Variants in SKOR2 observed in about 807,000 individuals in gnomAD.
SKOR2 encodes SKI family transcriptional corepressor 2, also known as LBX1 corepressor 1-like protein.
SKOR2 carries 47 observed loss-of-function variants against 69.1 expected under a neutral mutation model. The ratio of observed to expected loss-of-function variants is 0.68; its 90% CI spans 0.54 to 0.87. The LOEUF is 0.87. SKOR2 is among the 40% of genes least tolerant of loss of function. The probability of loss-of-function intolerance (pLI) is 0.00; values close to 1 mark genes in which losing one functional copy is unlikely to be tolerated. For synonymous variants in SKOR2, 717 were observed against 672.6 expected (o/e 1.07, Z -1.02); for missense variants, 1,404 against 1,472.2 (o/e 0.95, Z 0.76).
intron 8 of SKOR2, among the ~76,000 whole-genome samples, chr18:47,209,192 G>A (rs1294928270): frequency 3.3e-5 from 5 of 152,030 alleles, no homozygotes; most frequent in African/African-American, 7.2e-5. Flanking sequence ...GGCAGTACTC[G>A]CTCAGCTTAT....
chr18:47,229,419 C>T (rs1230057648), intron 6 of SKOR2, among the ~76,000 whole-genome samples: 8 of 152,052 alleles, frequency 5.3e-5, no homozygotes, highest in African/African-American at 1.9e-4. Context: ...TTTGGGAGGC[C>T]GAGGTGGGCG....
Position 47,247,503 on chromosome 18 carries a change from G to A in SKOR2, c.1681C>T (p.Pro561Ser). The change falls in exon 2 of 9, where the codon CCC (proline) becomes TCC (serine). Residue 561 changes from proline (P) to serine (S), a missense_variant. Pro to Ser is a moderately conservative substitution (Grantham distance 74, BLOSUM62 -1). This residue lies in a region of SKOR2 where 1,266 missense variants were observed against 1,309.9 expected (regional missense o/e 0.97). Coordinates refer to ENST00000425639, the MANE Select transcript of SKOR2 (RefSeq NM_001278063.4). The surrounding 1 kb of genome is among the most constrained non-coding windows in gnomAD (Gnocchi z 6.6). ...AGSRDALFES[P>S]PGGSGGDCSA... ...CAGTCCCCGCCGCTGCCGCCCGGGG[G>A]CGACTCGAAGAGCGCGTCGCGAGAG... is the stretch of plus-strand genomic sequence containing the variant. The A allele has an allele frequency of 1.7e-6, 2 of 1,209,282 alleles. No individual in the cohort carries two copies. Among genetic ancestry groups the A allele is most frequent in the Non-Finnish European group, 2.1e-6 (2 of 974,556 alleles). 74.9% of individuals were successfully genotyped at this position (1,209,282 alleles called of 1,614,324 possible). A position where few individuals can be genotyped will look rare whatever the true frequency, so the allele number is the denominator to read the frequency against.
At chr18:47,214,342 GACATTTCCAAAT>G (rs1390624950) in intron 7 of SKOR2, among the ~76,000 whole-genome samples, 2 of 152,118 alleles carry the variant, frequency 1.3e-5, no homozygotes, top group Non-Finnish European at 2.9e-5. Flanking sequence ...AGAAAAAAAG[GACATTTCCAAAT>G]AAGCATATTT....
intron 7 of SKOR2, among the ~76,000 whole-genome samples, chr18:47,218,011 G>A (rs1483449733): frequency 6.6e-6 from 1 of 152,068 alleles, no homozygotes; most frequent in Non-Finnish European, 1.5e-5. Context: ...GGTAATACCA[G>A]TTTTAATCTT....
Position 47,246,715 on chromosome 18 carries a change from G to T in SKOR2, c.2469C>A (p.Asp823Glu), listed in dbSNP as rs2064275930. The change falls in exon 2 of 9, where the codon GAC becomes GAA. Residue 823 changes from aspartate (D) to glutamate (E), a missense_variant. Asp to Glu is a conservative substitution (Grantham distance 45, BLOSUM62 2). Transcript: ENST00000425639. Reference sequence around the variant, plus strand: ...CCGAGCCGGGGTCCCCGAGTTTCCCGTCTTCCTGCAGCAGCCTGGAGGAGT... The same window carrying T: ...CCGAGCCGGGGTCCCCGAGTTTCCCTTCTTCCTGCAGCAGCCTGGAGGAGT... ...GLNSSRLLQE[D>E]GKLGDPGSDL... 6.9e-7 allele frequency: 1 copy of T among 1,449,696 alleles called. No homozygotes were observed. Among genetic ancestry groups the T allele is most frequent in the East Asian group, 2.8e-5 (1 of 35,962 alleles). The allele number at this position is 1,449,696 out of a possible 1,614,324, so 89.8% of individuals were successfully genotyped here.
chr18:47,236,520 T>TG (rs776554149), intron 4 of SKOR2, among the ~76,000 whole-genome samples: 118 of 152,098 alleles, frequency 7.8e-4, no homozygotes, highest in South Asian at 4.6e-3. Flanking sequence ...GAGAAGGGGG[T>TG]GGGGGGCTTT....
At chr18:47,210,127 T>C (rs2144472639) in intron 8 of SKOR2, among the ~76,000 whole-genome samples, 1 of 152,220 alleles carries the variant, frequency 6.6e-6, no homozygotes, top group East Asian at 1.9e-4. Context: ...TCACAAGTGC[T>C]GAGTAAAACA....
chr18:47,211,916 T>A (rs953559826), intron 8 of SKOR2, among the ~76,000 whole-genome samples, 170 bp downstream of exon 8: 2 of 152,194 alleles, frequency 1.3e-5, no homozygotes. Context: ...TGGTCATTCA[T>A]TTAGGAAGTC....
At position 47,230,972 on chromosome 18, in the gene SKOR2, A is replaced by G. The variant is rs1418895282; in HGVS notation, c.2781T>C (p.Pro927=). The part of the protein sequence containing the change: ...SGEHTQETNS[P]HSLKKDVENM... ...TTTCTACATCCTTTTTCAGTGAATGAGGTGAGTTGGTTTCTTGTGTATGTT... is the reference window on the plus strand; with the variant it reads ...TTTCTACATCCTTTTTCAGTGAATGGGGTGAGTTGGTTTCTTGTGTATGTT... The change falls in exon 5 of 9, where the codon CCT becomes CCC. Residue 927 remains proline, a synonymous_variant. Transcript: ENST00000425639. 6.5e-7 allele frequency: 1 copy of G among 1,535,450 alleles called. No homozygotes were observed. Among genetic ancestry groups the G allele is most frequent in the Admixed American group, 2.0e-5 (1 of 50,974 alleles).
chr18:47,235,148 C>A (rs909651133), intron 4 of SKOR2, among the ~76,000 whole-genome samples: 1 of 152,092 alleles, frequency 6.6e-6, no homozygotes, highest in African/African-American at 2.4e-5. Flanking sequence ...AGTGCTTGAA[C>A]CCAGGAGTTT....
rs976343914 is a variant in SKOR2 at position 47,249,169 on chromosome 18, C to A, written c.15G>T (p.Pro5=). The A allele has an allele frequency of 2.1e-5, 32 of 1,534,888 alleles. No homozygotes were observed. The East Asian group carries it at 6.4e-4, about 30-fold the overall frequency. ...GCAGGATGTCGTTGGGCCCTGGCAG[C>A]GGACTGGAAGCCATCTCCGCCGCAG... The part of the protein sequence containing the change: MASS[P]LPGPNDILLA... The change falls in exon 2 of 9, where the codon CCG becomes CCT. Residue 5 remains proline (P), a synonymous_variant. Transcript: ENST00000425639.
At chr18:47,239,572 G>A (rs9950812) in intron 4 of SKOR2, among the ~76,000 whole-genome samples, 58,497 of 152,016 alleles carry the variant, frequency 0.38, 11,941 homozygotes, top group Middle Eastern at 0.48. Flanking sequence ...TGATTAGTGC[G>A]TCTCGAGTTC....
At chr18:47,236,881 T>C (rs1355371945) in intron 4 of SKOR2, among the ~76,000 whole-genome samples, 1 of 152,336 alleles carries the variant, frequency 6.6e-6, no homozygotes, top group Admixed American at 6.5e-5. Flanking sequence ...GGGCTGAAGT[T>C]CTAAGTGCTT....
chr18:47,211,136 A>C (rs565454912), intron 8 of SKOR2, among the ~76,000 whole-genome samples: 3 of 152,222 alleles, frequency 2.0e-5, no homozygotes, highest in Non-Finnish European at 4.4e-5. Flanking sequence ...TGAAGGAACA[A>C]AAGGAACCAT....
chr18:47,245,478 A>ATTTTTTTTTTTTTTTTTTTTTTT lies in SKOR2; in HGVS notation c.2677+19_2677+20insAAAAAAAAAAAAAAAAAAAAAAA, dbSNP rs10670977. ...ATGCAGGCAAGAAAAGTGGCAGCTGATTTTTTTTTTTTTTTTTACCTGAAA... is the reference window on the plus strand; with the variant it reads ...ATGCAGGCAAGAAAAGTGGCAGCTGATTTTTTTTTTTTTTTTTTTTTTTTTTTTTTTTTTTTTTTTACCTGAAA... On this transcript the variant is annotated intron_variant, in intron 3 of 8. Coordinates refer to ENST00000425639, the MANE Select transcript of SKOR2 (RefSeq NM_001278063.4). The ATTTTTTTTTTTTTTTTTTTTTTT allele has an allele frequency of 3.0e-4, 355 of 1,198,120 alleles. 13 individuals carry two copies. The highest frequency in any genetic ancestry group is 1.3e-3 in the African/African-American group (57 of 43,990). The allele number at this position is 1,198,120 out of a possible 1,614,324, so 74.2% of individuals were successfully genotyped here. A position where few individuals can be genotyped will look rare whatever the true frequency, so the allele number is the denominator to read the frequency against.
At chr18:47,209,557 ATCC>A (rs1380995692) in intron 8 of SKOR2, among the ~76,000 whole-genome samples, 1 of 152,182 alleles carries the variant, frequency 6.6e-6, no homozygotes, top group Non-Finnish European at 1.5e-5. Context: ...ACTTAGAGAA[ATCC>A]CTGTTGTCTG....
intron 7 of SKOR2, among the ~76,000 whole-genome samples, chr18:47,218,649 A>C (rs1395153774): frequency 6.6e-6 from 1 of 151,784 alleles, no homozygotes; most frequent in Non-Finnish European, 1.5e-5. Flanking sequence ...GGAAGGTGTT[A>C]AAATTTTATA....
At chr18:47,216,360 C>T (rs1047896215) in intron 7 of SKOR2, among the ~76,000 whole-genome samples, 4 of 152,114 alleles carry the variant, frequency 2.6e-5, no homozygotes, top group African/African-American at 7.2e-5. Context: ...ACACAAACCA[C>T]GTTAAATACT....
Position 47,228,433 on chromosome 18 carries a change from C to T in SKOR2, c.2917+2026G>A, listed in dbSNP as rs147287457. On this transcript the variant is annotated intron_variant, in intron 6 of 8. Coordinates refer to ENST00000425639, the MANE Select transcript of SKOR2 (RefSeq NM_001278063.4). The stretch of plus-strand genomic sequence containing the variant: ...TGTAACATTCTAACATTTTGTTTAA[C>T]GGAAACATGTACTACAGAGCAGTTA... 4.5e-3 allele frequency among the ~76,000 whole-genome samples: 678 copies of T among 152,188 alleles called. 4 individuals are homozygous for T. The highest frequency in any genetic ancestry group is 0.017 in the Middle Eastern group (5 of 294).
Sources: gnomAD v4.1 joint callset for allele counts (sites outside exome capture counted in the v4.1 genomes callset) on GRCh38, gnomAD v4.1.1 for gene constraint, gnomAD v4.1.1 regional missense constraint, Gnocchi (gnomAD v3.1) non-coding constraint, MANE v1.5 for transcripts, NCBI Gene and HGNC (gene_info 2026-07-23, HGNC 2026-07-21) for gene names.